The following TEAD1 variants were observed in gnomAD, a reference collection of about 807,000 sequenced individuals.
TEAD1 encodes transcriptional enhancer factor TEF-1.
TEAD1 carries 9 observed loss-of-function variants against 54.9 expected under a neutral mutation model. The ratio of observed to expected loss-of-function variants is 0.16; its 90% CI spans 0.10 to 0.29. The LOEUF is 0.29. Among genes scored for constraint, TEAD1 ranks in the 10% least tolerant of loss-of-function variants. The pLI, the probability that TEAD1 is intolerant of heterozygous loss-of-function variation, is 1.00. For synonymous variants in TEAD1, 200 were observed against 187.8 expected (o/e 1.07, Z -0.53); for missense variants, 387 against 535.9 (o/e 0.72, Z 2.74).
chr11:12,718,930 TATC>T (rs1282735019), intron 2 of TEAD1, among the ~76,000 whole-genome samples: 3 of 152,154 alleles, frequency 2.0e-5, no homozygotes, highest in African/African-American at 4.8e-5. Context: ...GCTTTATGTA[TATC>T]ATCATAATTG....
chr11:12,719,087 C>T (rs1944125415), intron 2 of TEAD1, among the ~76,000 whole-genome samples: 1 of 151,760 alleles, frequency 6.6e-6, no homozygotes, highest in South Asian at 2.1e-4. Flanking sequence ...GGGAAGCTGT[C>T]TCTTTGATGG....
chr11:12,769,484 CCT>C (rs768572385), intron 3 of TEAD1, among the ~76,000 whole-genome samples: 6 of 152,234 alleles, frequency 3.9e-5, no homozygotes, highest in South Asian at 4.1e-4. Flanking sequence ...TCGCTACACT[CCT>C]CTGGATGCAG....
rs540355523 is a variant in TEAD1 at position 12,902,124 on chromosome 11, C to T, written c.873+11C>T. On this transcript the variant is annotated intron_variant, in intron 10 of 12. Transcript: ENST00000527636. The stretch of plus-strand genomic sequence containing the variant: ...CTCGTAAAATTCTGGGTGAGTAAGA[C>T]ATTGCTGTGATTTCCGTGGTTTTTG... 6.2e-7 allele frequency: 1 copy of T among 1,614,210 alleles called. No homozygotes were observed. Among genetic ancestry groups the T allele is most frequent in the Admixed American group, 1.7e-5 (1 of 60,032 alleles).
In TEAD1 at chr11:12,914,517, C is replaced by T. The variant is rs1308919227; in HGVS notation, c.874-10395C>T. Reference sequence around the variant, plus strand: ...TTTCTGAGGGCAGCTCGTTCACTCCCCCTACATGCTGGCTTCCTTGCTGGG... The same window carrying T: ...TTTCTGAGGGCAGCTCGTTCACTCCTCCTACATGCTGGCTTCCTTGCTGGG... On this transcript the variant is annotated intron_variant, in intron 10 of 12. Coordinates refer to ENST00000527636, the MANE Select transcript of TEAD1 (RefSeq NM_021961.6). Among the ~76,000 whole-genome samples, 7 of 152,248 alleles carry T rather than the reference C, an allele frequency of 4.6e-5. No homozygotes were observed. The East Asian group carries it at 1.3e-3, about 29-fold the overall frequency.
intron 3 of TEAD1, among the ~76,000 whole-genome samples, chr11:12,781,754 GTCTGGAAGT>G (rs1376996524): frequency 6.6e-6 from 1 of 151,414 alleles, no homozygotes; most frequent in Admixed American, 6.6e-5. Flanking sequence ...TCTGGAAACA[GTCTGGAAGT>G]TCTTTAAAAG....
chr11:12,885,859 C>T (rs767169532), intron 9 of TEAD1, among the ~76,000 whole-genome samples: 9 of 152,172 alleles, frequency 5.9e-5, no homozygotes, highest in East Asian at 1.9e-4. Context: ...TGCAAACATT[C>T]GTGTGCACCT....
At chr11:12,855,350 C>T (rs1034774643) in intron 3 of TEAD1, among the ~76,000 whole-genome samples, 6 of 151,812 alleles carry the variant, frequency 4.0e-5, no homozygotes, top group African/African-American at 9.7e-5. Flanking sequence ...AGTGCTGTGG[C>T]GTGATCTCAG....
intron 2 of TEAD1, among the ~76,000 whole-genome samples, chr11:12,731,947 A>G (rs1166072794): frequency 2.0e-5 from 3 of 152,176 alleles, no homozygotes; most frequent in African/African-American, 4.8e-5. Context: ...CCTGAATGCC[A>G]CATTTCTAAT....
intron 2 of TEAD1, among the ~76,000 whole-genome samples, chr11:12,762,163 C>T (rs1457760403): frequency 1.3e-5 from 2 of 152,146 alleles, no homozygotes; most frequent in African/African-American, 4.8e-5. Context: ...CTGCCCAGAG[C>T]TCAAGGACTG....
At chr11:12,893,948 T>C (rs1056288471) in intron 9 of TEAD1, among the ~76,000 whole-genome samples, 2 of 152,100 alleles carry the variant, frequency 1.3e-5, no homozygotes, top group African/African-American at 4.8e-5. Flanking sequence ...CTGTCTTGGC[T>C]TGGCTCCGCA....
intron 3 of TEAD1, among the ~76,000 whole-genome samples, chr11:12,852,789 AGATGT>A (rs1161913656): frequency 6.6e-6 from 1 of 152,122 alleles, no homozygotes; most frequent in African/African-American, 2.4e-5. Flanking sequence ...TGGGATACCA[AGATGT>A]GAAAGACATG....
At chr11:12,720,205 T>C (rs998252620) in intron 2 of TEAD1, among the ~76,000 whole-genome samples, 6 of 152,034 alleles carry the variant, frequency 3.9e-5, no homozygotes, top group Non-Finnish European at 8.8e-5. Flanking sequence ...TTAAATCTAA[T>C]GTGGAAATCA....
At chr11:12,747,247 T>G (rs192354446) in intron 2 of TEAD1, among the ~76,000 whole-genome samples, 36 of 152,288 alleles carry the variant, frequency 2.4e-4, no homozygotes, top group African/African-American at 7.7e-4. Flanking sequence ...TGGGAAATAG[T>G]GCCTACCTTT....
At chr11:12,877,939 A>G (rs1486537410) in intron 5 of TEAD1, among the ~76,000 whole-genome samples, 4 of 151,858 alleles carry the variant, frequency 2.6e-5, no homozygotes, top group Admixed American at 6.6e-5. Context: ...CTGGAACCAC[A>G]GAAGTACACC....
intron 4 of TEAD1, among the ~76,000 whole-genome samples, chr11:12,863,237 G>A (rs1947544683): frequency 6.6e-6 from 1 of 152,212 alleles, no homozygotes; most frequent in Non-Finnish European, 1.5e-5. Flanking sequence ...TTATAACGGG[G>A]AGAGGCTTTT....
chr11:12,728,438 C>A (rs1328623197), intron 2 of TEAD1, among the ~76,000 whole-genome samples: 7 of 152,148 alleles, frequency 4.6e-5, no homozygotes, highest in Non-Finnish European at 4.4e-5. Flanking sequence ...TAGAGAATGA[C>A]CCCGGTTAGT....
chr11:12,785,543 A>G, intron 3 of TEAD1, among the ~76,000 whole-genome samples: 1 of 152,254 alleles, frequency 6.6e-6, no homozygotes, highest in East Asian at 1.9e-4. Flanking sequence ...AATAAACCTT[A>G]GGCAAACCAG....
chr11:12,886,163 G>A (rs1353086550), intron 9 of TEAD1, among the ~76,000 whole-genome samples: 1 of 152,216 alleles, frequency 6.6e-6, no homozygotes, highest in African/African-American at 2.4e-5. Flanking sequence ...TGAAGTGTAT[G>A]TGGCAGTATA....
chr11:12,911,678 C>CTT (rs386373128), intron 10 of TEAD1, among the ~76,000 whole-genome samples: 30,432 of 136,764 alleles, frequency 0.22, 3,412 homozygotes, highest in Non-Finnish European at 0.27. Context: ...TTACATGAGT[C>CTT]TTTTTTTTTT....
Sources: allele counts gnomAD v4.1 joint callset (sites outside exome capture counted in the v4.1 genomes callset), GRCh38; gene constraint gnomAD v4.1.1; transcripts MANE v1.5; gene names NCBI Gene and HGNC (gene_info 2026-07-23, HGNC 2026-07-21).